TSPEAR: variants seen among roughly 807,000 people sequenced by gnomAD.
TSPEAR encodes thrombospondin type laminin G domain and EAR repeats.
In TSPEAR, 69 loss-of-function variants were observed where a neutral mutation model predicts 71.6. The ratio of observed to expected loss-of-function variants is 0.96; its 90% CI spans 0.79 to 1.18. The LOEUF (loss-of-function observed/expected upper bound fraction) is 1.18, where lower values mean the gene tolerates loss of function less well. Ranked by LOEUF, TSPEAR falls within the 50% of genes most tolerant of loss-of-function variation. TSPEAR has a pLI of 0.00. For missense variants in TSPEAR, 971 were observed against 894.9 expected (o/e 1.09, Z -1.09); for synonymous variants, 402 against 387.2 (o/e 1.04, Z -0.45).
intron 1 of TSPEAR, among the ~76,000 whole-genome samples, chr21:44,700,086 G>A (rs996294979): frequency 6.6e-6 from 1 of 152,196 alleles, no homozygotes; most frequent in Non-Finnish European, 1.5e-5. Flanking sequence ...GAGACGCCCC[G>A]TGCTTTGAGA....
chr21:44,522,657 G>GT (rs2052758761), intron 8 of TSPEAR, among the ~76,000 whole-genome samples: 1 of 152,242 alleles, frequency 6.6e-6, no homozygotes, highest in Non-Finnish European at 1.5e-5. Flanking sequence ...GGTACTCATG[G>GT]TGGCCGCTCA....
intron 1 of TSPEAR, among the ~76,000 whole-genome samples, chr21:44,675,334 A>G (rs1986258494): frequency 6.6e-6 from 1 of 152,238 alleles, no homozygotes; most frequent in South Asian, 2.1e-4. Context: ...GTATATGAGC[A>G]TCTCAATAGA....
intron 1 of TSPEAR, among the ~76,000 whole-genome samples, chr21:44,596,847 TTAA>T (rs1980398213): frequency 6.6e-6 from 1 of 152,280 alleles, no homozygotes; most frequent in African/African-American, 2.4e-5. Context: ...GTTATTGATC[TTAA>T]TAACTCGTGG....
intron 1 of TSPEAR, chr21:44,580,728 T>G (rs1176908484): frequency 1.3e-6 from 1 of 777,750 alleles, no homozygotes; most frequent in Non-Finnish European, 2.1e-6. Flanking sequence ...GACAGGAGGC[T>G]CCACAAGCTT....
intron 1 of TSPEAR, chr21:44,591,399 C>T: frequency 6.2e-7 from 1 of 1,608,206 alleles, no homozygotes; most frequent in South Asian, 1.1e-5. Flanking sequence ...AGCAGCTGGA[C>T]TTCTGGCCAG....
At chr21:44,559,563 G>A (rs782600653) in intron 2 of TSPEAR, among the ~76,000 whole-genome samples, 1 of 152,252 alleles carries the variant, frequency 6.6e-6, no homozygotes, top group South Asian at 2.1e-4. Flanking sequence ...GAGCTCCAAG[G>A]TCTCTTCCCT....
chr21:44,632,222 A>G (rs1333270271), intron 1 of TSPEAR, among the ~76,000 whole-genome samples: 1 of 152,238 alleles, frequency 6.6e-6, no homozygotes, highest in African/African-American at 2.4e-5. Context: ...CAGAAACACA[A>G]AATTAAATTA....
At chr21:44,582,580 C>T (rs1979055976) in intron 1 of TSPEAR, among the ~76,000 whole-genome samples, 1 of 152,154 alleles carries the variant, frequency 6.6e-6, no homozygotes, top group South Asian at 2.1e-4. Context: ...CGCCCTCTGT[C>T]GCTCCCTTCT....
chr21:44,515,034 C>A (rs1311244736), intron 9 of TSPEAR, among the ~76,000 whole-genome samples: 13 of 152,132 alleles, frequency 8.5e-5, no homozygotes, highest in Non-Finnish European at 2.9e-5. Flanking sequence ...GCACCCCACA[C>A]CCCCGCAGAC....
chr21:44,677,224 C>T (rs1478081507), intron 1 of TSPEAR: 2 of 714,588 alleles, frequency 2.8e-6, no homozygotes, highest in South Asian at 1.6e-5. Flanking sequence ...TTCTCTACCT[C>T]TTCTTTGGCT....
At chr21:44,662,528 G>A (rs1330587716) in intron 1 of TSPEAR, among the ~76,000 whole-genome samples, 1 of 152,198 alleles carries the variant, frequency 6.6e-6, no homozygotes, top group East Asian at 1.9e-4. Flanking sequence ...AGATAAATCA[G>A]ATTTGTCATT....
intron 1 of TSPEAR, among the ~76,000 whole-genome samples, chr21:44,689,715 ATATATATATAT>A (rs201778408): frequency 0.038 from 3,007 of 79,666 alleles, 327 homozygotes; most frequent in Middle Eastern, 0.089. Flanking sequence ...TAGAATGAAT[ATATATATATAT>A]ATATATATAT....
At chr21:44,554,117 G>C (rs757465441) in intron 2 of TSPEAR, among the ~76,000 whole-genome samples, 1 of 152,220 alleles carries the variant, frequency 6.6e-6, no homozygotes, top group Non-Finnish European at 1.5e-5. Flanking sequence ...ATTCCAATAT[G>C]ATGGTATTAA....
chr21:44,608,502 A>G (rs184501476), intron 1 of TSPEAR, among the ~76,000 whole-genome samples: 1 of 152,240 alleles, frequency 6.6e-6, no homozygotes, highest in Admixed American at 6.5e-5. Context: ...TCACTGACAC[A>G]CTGCATGTAT....
In TSPEAR at chr21:44,531,114, G is replaced by A. The variant is rs587656275; in HGVS notation, c.562C>T (p.Pro188Ser). Residue 188 changes from proline to serine, a missense_variant, in exon 4 of 12, where the codon CCA becomes TCA. Coordinates refer to ENST00000323084, the MANE Select transcript of TSPEAR (RefSeq NM_144991.3). ...PVDIMADVPFPATLSVKGARF... is the reference protein window; with the variant it reads ...PVDIMADVPFSATLSVKGARF... ...GCTCCTTTCACTGACAGGGTGGCTGGGAAGGGCACATCGGCCATTCTGAAA... is the reference window on the plus strand; with the variant it reads ...GCTCCTTTCACTGACAGGGTGGCTGAGAAGGGCACATCGGCCATTCTGAAA... 50 of 1,613,842 alleles carry A rather than the reference G, an allele frequency of 3.1e-5. No individual in the cohort carries two copies. The South Asian group carries it at 4.8e-4, about 16-fold the overall frequency.
rs781848776 is a variant in TSPEAR, at chr21:44,580,454, G to T, written c.83-12449C>A. The T allele has an allele frequency of 5.0e-6, 8 of 1,613,098 alleles. No homozygotes were observed. In the African/African-American group the frequency reaches 8.0e-5, roughly 16 times the overall value. On this transcript the variant is annotated intron_variant, in intron 1 of 11. Coordinates refer to ENST00000323084, the MANE Select transcript of TSPEAR (RefSeq NM_144991.3). The stretch of plus-strand genomic sequence containing the variant: ...GGGGCTGGACACACAGCTCACTGGG[G>T]TGCAGACCAGGGTCAGGCAGGGGGC...
chr21:44,531,027 G>T lies in TSPEAR; in HGVS notation c.633+16C>A. The T allele has an allele frequency of 6.2e-7, 1 of 1,606,718 alleles. No homozygotes were observed. The highest frequency in any genetic ancestry group is 8.5e-7 in the Non-Finnish European group (1 of 1,174,168). ...CCGCAGCACGGGTGTTGGGAAGGCA[G>T]CCCCTCCATACTCGCCATGAACAGG... On this transcript the variant is annotated intron_variant, in intron 4 of 11. Transcript: ENST00000323084.
intron 1 of TSPEAR, chr21:44,592,509 G>T: frequency 6.3e-7 from 1 of 1,589,818 alleles, no homozygotes; most frequent in Non-Finnish European, 8.6e-7. Context: ...GGTGGAGGGT[G>T]AGGGAGTGAG....
chr21:44,665,830 G>A (rs782536667), intron 1 of TSPEAR, among the ~76,000 whole-genome samples: 10 of 152,312 alleles, frequency 6.6e-5, no homozygotes, highest in Admixed American at 3.3e-4. Flanking sequence ...GATCCTCCGC[G>A]ACCTGGGAAA....
Sources: gnomAD v4.1 joint callset for allele counts (sites outside exome capture counted in the v4.1 genomes callset) on GRCh38, gnomAD v4.1.1 for gene constraint, MANE v1.5 for transcripts, NCBI Gene and HGNC (gene_info 2026-07-23, HGNC 2026-07-21) for gene names.